The following POLH variants were observed in gnomAD, a reference collection of about 807,000 sequenced individuals.
POLH encodes DNA polymerase eta.
In POLH, 53 loss-of-function variants were observed where a neutral mutation model predicts 73.6. That is an observed-to-expected ratio of 0.72 (90% CI 0.58 to 0.91). The LOEUF (loss-of-function observed/expected upper bound fraction) is 0.91, where lower values mean the gene tolerates loss of function less well. Among genes scored for constraint, POLH ranks in the 40% least tolerant of loss-of-function variants. The pLI is 0.00. For missense variants in POLH, 768 were observed against 865.4 expected (o/e 0.89, Z 1.41); for synonymous variants, 292 against 308.5 (o/e 0.95, Z 0.56).
rs1768410270 is a variant in POLH, at chr6:43,617,251, C to T, written c.*2694C>T. ...CAAGTATGATTTGAGGAACAGCAGC[C>T]TCAGTATCACCAGGGAACTTATTAG... is the stretch of plus-strand genomic sequence containing the variant. On this transcript the variant is annotated 3_prime_UTR_variant, in exon 11 of 11. Coordinates refer to ENST00000372236, the MANE Select transcript of POLH (RefSeq NM_006502.3). Among the ~76,000 whole-genome samples, 1 of 152,162 alleles carries T rather than the reference C, an allele frequency of 6.6e-6. No individual in the cohort carries two copies. Among genetic ancestry groups the T allele is most frequent in the African/African-American group, 2.4e-5 (1 of 41,448 alleles).
chr6:43,577,261 G>A (rs770762173), intron 1 of POLH, among the ~76,000 whole-genome samples: 1 of 152,222 alleles, frequency 6.6e-6, no homozygotes, highest in Non-Finnish European at 1.5e-5. Flanking sequence ...GTTAAAGTCT[G>A]CATGTCTGTT....
chr6:43,595,359 A>ACTC (rs1475920562), intron 4 of POLH, among the ~76,000 whole-genome samples: 4 of 151,214 alleles, frequency 2.6e-5, no homozygotes, highest in Non-Finnish European at 5.9e-5. Context: ...CTGGTCTCAA[A>ACTC]CTCCTGACCT....
At chr6:43,612,126 C>T (rs1184988440) in intron 10 of POLH, among the ~76,000 whole-genome samples, 1 of 152,138 alleles carries the variant, frequency 6.6e-6, no homozygotes, top group Non-Finnish European at 1.5e-5. Flanking sequence ...TTACTTAATA[C>T]TTCCTGATAT....
At chr6:43,599,233 C>G (rs1766456212) in intron 5 of POLH, among the ~76,000 whole-genome samples, 1 of 152,030 alleles carries the variant, frequency 6.6e-6, no homozygotes, top group Non-Finnish European at 1.5e-5. Context: ...AAGTGATTCA[C>G]CCACCTCGGC....
chr6:43,587,277 G>C lies in POLH; in HGVS notation c.278G>C (p.Arg93Pro), dbSNP rs756931657. The change falls in exon 4 of 11, where the codon CGG becomes CCG. Residue 93 changes from arginine to proline, a missense_variant. Coordinates refer to ENST00000372236, the MANE Select transcript of POLH (RefSeq NM_006502.3). ...SRGKANLTKYREASVEVMEIM... is the reference protein window; with the variant it reads ...SRGKANLTKYPEASVEVMEIM... Reference sequence around the variant, plus strand: ...ATGATCCTTATACTTCTTAGGTACCGGGAAGCCAGTGTTGAAGTGATGGAG... The same window carrying C: ...ATGATCCTTATACTTCTTAGGTACCCGGAAGCCAGTGTTGAAGTGATGGAG... The C allele has an allele frequency of 6.2e-7, 1 of 1,613,098 alleles. No individual in the cohort carries two copies. Among genetic ancestry groups the C allele is most frequent in the Non-Finnish European group, 8.5e-7 (1 of 1,179,106 alleles).
intron 4 of POLH, chr6:43,588,552 A>G (rs954555611): frequency 3.3e-5 from 5 of 151,744 alleles, no homozygotes; most frequent in African/African-American, 1.2e-4. Context: ...CCAGGGTTCA[A>G]GCAGTTCTCC....
At chr6:43,605,869 C>G (rs963146684) in intron 9 of POLH, among the ~76,000 whole-genome samples, 1 of 151,850 alleles carries the variant, frequency 6.6e-6, no homozygotes, top group Non-Finnish European at 1.5e-5. Flanking sequence ...AGGCACATAC[C>G]ACCACACCCG....
In POLH at chr6:43,614,147, T is replaced by C. The variant is rs1228891070; in HGVS notation, c.1732T>C (p.Cys578Arg). The C allele has an allele frequency of 6.2e-7, 1 of 1,614,062 alleles. No individual in the cohort carries two copies. Among genetic ancestry groups the C allele is most frequent in the South Asian group, 1.1e-5 (1 of 91,088 alleles). ...PTEYPGCVPV[C>R]EGVSKLEESS... Reference sequence around the variant, plus strand: ...AGAGTATCCAGGGTGTGTCCCTGTTTGTGAAGGGGTGTCGAAGCTAGAAGA... The same window carrying C: ...AGAGTATCCAGGGTGTGTCCCTGTTCGTGAAGGGGTGTCGAAGCTAGAAGA... The change falls in exon 11 of 11, where the codon TGT becomes CGT. Residue 578 changes from cysteine to arginine, a missense_variant. Transcript: ENST00000372236.
intron 1 of POLH, among the ~76,000 whole-genome samples, chr6:43,578,005 C>G (rs1196800400): frequency 1.3e-5 from 2 of 150,670 alleles, no homozygotes; most frequent in Admixed American, 1.3e-4. Context: ...CACTTGAAAC[C>G]GGGAGATGGA....
At chr6:43,593,052 G>A (rs2127787765) in intron 4 of POLH, among the ~76,000 whole-genome samples, 1 of 152,174 alleles carries the variant, frequency 6.6e-6, no homozygotes, top group East Asian at 1.9e-4. Context: ...TTATTTTTGA[G>A]ATGGGGTCTC....
Position 43,604,627 on chromosome 6 carries a change from T to G in POLH, c.897T>G (p.Tyr299Ter), listed in dbSNP as rs190423114. ...CTGGTCTTATTAGGTCTTGGCTATA[T>G]GCCATGTGCCGAGGGATTGAACATG... ...HFGEKNGSWLYAMCRGIEHDP... is the reference protein window; with the variant it reads ...HFGEKNGSWL The change falls in exon 8 of 11, where the codon TAT becomes TAG. Residue 299 changes from tyrosine (Y) to a stop codon, truncating the protein, a stop_gained. Transcript: ENST00000372236. LOFTEE classifies it high-confidence loss of function. 1.2e-6 allele frequency: 2 copies of G among 1,614,138 alleles called. No homozygotes were observed. The highest frequency in any genetic ancestry group is 1.7e-5 in the Admixed American group (1 of 60,028).
chr6:43,583,242 C>A (rs150918143), intron 3 of POLH, 101 bp downstream of exon 3: 2 of 1,090,758 alleles, frequency 1.8e-6, no homozygotes, highest in African/African-American at 1.6e-5. Flanking sequence ...TAAATAACAC[C>A]GGAAAAAATT....
At position 43,616,586 on chromosome 6, in the gene POLH, C is replaced by CAA. The variant is rs368089629; in HGVS notation, c.*2042_*2043dup. ...CCAGGGTGAGAGTGAGAGACTGTCT[C>CAA]AAAAAAAAAAAAAACAAAAGAAAAA... On this transcript the variant is annotated 3_prime_UTR_variant, in exon 11 of 11. Coordinates refer to ENST00000372236, the MANE Select transcript of POLH (RefSeq NM_006502.3). 0.066 allele frequency among the ~76,000 whole-genome samples: 7,817 copies of CAA among 118,340 alleles called. 300 individuals are homozygous for CAA. The highest frequency in any genetic ancestry group is 0.12 in the African/African-American group (4,152 of 35,134). The allele number at this position is 118,340 out of a possible 152,430, so 77.6% of individuals were successfully genotyped here.
At position 43,597,948 on chromosome 6, in the gene POLH, T is replaced by C. The variant is rs144656482; in HGVS notation, c.660+83T>C. ...AGGGACAGTGGGACATTGAAATTAT[T>C]ACACATAGGCCGGGTGCAGTTTCGC... On this transcript the variant is annotated intron_variant, in intron 5 of 10. Coordinates refer to ENST00000372236, the MANE Select transcript of POLH (RefSeq NM_006502.3). 2.1e-5 allele frequency: 27 copies of C among 1,264,634 alleles called. No homozygotes were observed. In the African/African-American group the frequency reaches 3.8e-4, roughly 18 times the overall value. The allele number at this position is 1,264,634 out of a possible 1,614,324, so 78.3% of individuals were successfully genotyped here.
chr6:43,589,918 A>C (rs890486426), intron 4 of POLH, among the ~76,000 whole-genome samples: 6 of 152,078 alleles, frequency 3.9e-5, no homozygotes, highest in African/African-American at 1.4e-4. Context: ...TGTGTTGGGA[A>C]ATGATAAATG....
At chr6:43,590,252 G>A (rs886422874) in intron 4 of POLH, among the ~76,000 whole-genome samples, 10 of 151,760 alleles carry the variant, frequency 6.6e-5, no homozygotes, top group Non-Finnish European at 1.3e-4. Flanking sequence ...CCAGCTATTC[G>A]GGAGGCTGAA....
At chr6:43,592,804 T>C (rs1037281314) in intron 4 of POLH, among the ~76,000 whole-genome samples, 3 of 152,244 alleles carry the variant, frequency 2.0e-5, no homozygotes, top group Non-Finnish European at 4.4e-5. Context: ...GGTGAAACTT[T>C]CCCATCATTG....
At chr6:43,603,785 G>T (rs1582307749) in intron 6 of POLH, 107 bp from the exon 7 acceptor site, 1 of 1,078,936 alleles carries the variant, frequency 9.3e-7, no homozygotes, top group African/African-American at 1.6e-5. Flanking sequence ...GCTCTCATTT[G>T]TCCTGAACCT....
At chr6:43,587,528 T>C in intron 4 of POLH, 39 bp downstream of exon 4, 2 of 1,407,184 alleles carry the variant, frequency 1.4e-6, no homozygotes, top group Non-Finnish European at 2.0e-6. Context: ...CTTCCTGCCT[T>C]TGGAACCTGC....
Sources: allele counts gnomAD v4.1 joint callset (sites outside exome capture counted in the v4.1 genomes callset), GRCh38; gene constraint gnomAD v4.1.1; transcripts MANE v1.5; gene names NCBI Gene and HGNC (gene_info 2026-07-23, HGNC 2026-07-21).